PHF3: variants seen among roughly 807,000 people sequenced by gnomAD.
PHF3 encodes the protein PHD finger protein 3.
Under a neutral mutation model 178.4 loss-of-function variants are expected in PHF3, and 41 were observed. The observed-to-expected ratio is 0.23, with a 90% CI of 0.18 to 0.30. The LOEUF is 0.30. PHF3 is among the 10% of genes least tolerant of loss of function. The pLI is 1.00. For synonymous variants in PHF3, 842 were observed against 800.5 expected, an observed-to-expected ratio of 1.05 and a Z score of -0.88; for missense variants, 2,346 against 2,398.1, an observed-to-expected ratio of 0.98 and a Z score of 0.45.
intron 2 of PHF3, among the ~76,000 whole-genome samples, chr6:63,674,117 G>C (rs140748949): frequency 1.0e-3 from 152 of 151,992 alleles, no homozygotes; most frequent in Non-Finnish European, 1.7e-3. Flanking sequence ...CAAAAAGGCG[G>C]TGTATAAATC....
chr6:63,721,381 A>G lies in PHF3; in HGVS notation c.*7673A>G, dbSNP rs1768381985. On this transcript the variant is annotated 3_prime_UTR_variant, in exon 16 of 16. Coordinates refer to ENST00000262043, the MANE Select transcript of PHF3 (RefSeq NM_001370348.2). ...ACTGTACATTCACCTCCATTTCTGCATGTGTTGTACCCACAGGCTGTCCCA... is the reference window on the plus strand; with the variant it reads ...ACTGTACATTCACCTCCATTTCTGCGTGTGTTGTACCCACAGGCTGTCCCA... 6 of 1,550,586 alleles carry G rather than the reference A, an allele frequency of 3.9e-6. No individual in the cohort carries two copies. The highest frequency in any genetic ancestry group is 5.2e-6 in the Non-Finnish European group (6 of 1,146,586).
At chr6:63,709,526 T>G (rs1325691167) in intron 14 of PHF3, among the ~76,000 whole-genome samples, 26 of 152,144 alleles carry the variant, frequency 1.7e-4, no homozygotes, top group Admixed American at 1.6e-3. Flanking sequence ...GAATTTTGCC[T>G]TGCTTCTATT....
chr6:63,671,869 C>T (rs987776255), intron 2 of PHF3, among the ~76,000 whole-genome samples: 5 of 152,234 alleles, frequency 3.3e-5, no homozygotes, highest in African/African-American at 1.2e-4. Context: ...GCCTCAGCCT[C>T]CCAAGTAGCT....
At chr6:63,665,189 GA>G (rs1490978438) in intron 2 of PHF3, among the ~76,000 whole-genome samples, 4 of 151,938 alleles carry the variant, frequency 2.6e-5, no homozygotes, top group African/African-American at 9.7e-5. Flanking sequence ...TTTAAAGTAA[GA>G]AAAAGAGTTT....
rs370376350 is a variant in PHF3 at position 63,713,954 on chromosome 6, T to G, written c.*246T>G. 3.8e-5 allele frequency: 13 copies of G among 345,432 alleles called. No individual in the cohort carries two copies. Among genetic ancestry groups the G allele is most frequent in the African/African-American group, 6.3e-5 (3 of 47,416 alleles). The allele number at this position is 345,432 out of a possible 1,614,324, so 21.4% of individuals were successfully genotyped here. On this transcript the variant is annotated 3_prime_UTR_variant, in exon 16 of 16. Coordinates refer to ENST00000262043, the MANE Select transcript of PHF3 (RefSeq NM_001370348.2). The stretch of plus-strand genomic sequence containing the variant: ...TTTAAAAGTTTTACATTGCTGTATA[T>G]TCAAAGATTTGTTTTATTAATATGC...
chr6:63,653,612 A>G (rs1765112502), intron 2 of PHF3, among the ~76,000 whole-genome samples: 1 of 151,992 alleles, frequency 6.6e-6, no homozygotes, highest in South Asian at 2.1e-4. Flanking sequence ...TTCCTTTCCA[A>G]TTTGGATGTC....
rs968201729 is a variant in PHF3, at chr6:63,683,311, C to A, written c.407-818C>A. Among the ~76,000 whole-genome samples, 3 of 151,826 alleles carry A rather than the reference C, an allele frequency of 2.0e-5. No homozygotes were observed. The East Asian group carries it at 5.8e-4, about 29-fold the overall frequency. On this transcript the variant is annotated intron_variant, in intron 3 of 15. Coordinates refer to ENST00000262043, the MANE Select transcript of PHF3 (RefSeq NM_001370348.2). The stretch of plus-strand genomic sequence containing the variant: ...AGTTTGTGGGTTGTTTTTGTACTTA[C>A]TGAATTATTTAGCTCTCTTTCTTTT...
At chr6:63,683,443 G>C (rs1582069553) in intron 3 of PHF3, among the ~76,000 whole-genome samples, 1 of 152,188 alleles carries the variant, frequency 6.6e-6, no homozygotes, top group South Asian at 2.1e-4. Context: ...GGAGCATTGT[G>C]TGGGAAGCTT....
chr6:63,690,980 T>A (rs1766973573), intron 4 of PHF3, among the ~76,000 whole-genome samples: 1 of 152,180 alleles, frequency 6.6e-6, no homozygotes, highest in Non-Finnish European at 1.5e-5. Flanking sequence ...ATAAGGAGAT[T>A]GGGAATTAAA....
chr6:63,720,955 C>G lies in PHF3; in HGVS notation c.*7247C>G. On this transcript the variant is annotated 3_prime_UTR_variant, in exon 16 of 16. Coordinates refer to ENST00000262043, the MANE Select transcript of PHF3 (RefSeq NM_001370348.2). ...TAGCTCATAGGCACAGAGATTCTTT[C>G]TCCCAAGTTAACTGCTATTTTCAAG... 1 of 1,551,358 alleles carries G rather than the reference C, an allele frequency of 6.4e-7. No individual in the cohort carries two copies. Among genetic ancestry groups the G allele is most frequent in the Non-Finnish European group, 8.7e-7 (1 of 1,146,790 alleles).
At chr6:63,646,451 A>G (rs1431270894) in intron 1 of PHF3, 76 bp from the exon 2 acceptor site, 6 of 1,029,442 alleles carry the variant, frequency 5.8e-6, no homozygotes, top group Admixed American at 2.9e-5. Flanking sequence ...ACTCAAAACT[A>G]TTAAAATAAT....
In PHF3 at chr6:63,720,013, C is replaced by T. The variant is rs1768310390; in HGVS notation, c.*6305C>T. 6.6e-6 allele frequency: 1 copy of T among 152,128 alleles called. No homozygotes were observed. 9.4% of individuals were successfully genotyped at this position (152,128 alleles called of 1,614,324 possible). On this transcript the variant is annotated 3_prime_UTR_variant, in exon 16 of 16. Coordinates refer to ENST00000262043, the MANE Select transcript of PHF3 (RefSeq NM_001370348.2). Reference sequence around the variant, plus strand: ...AGGATTTAGCTCTTACCAGCCTGTTCTCCTCTCCTCTCACCTTCTCTTTCT... The same window carrying T: ...AGGATTTAGCTCTTACCAGCCTGTTTTCCTCTCCTCTCACCTTCTCTTTCT...
chr6:63,648,512 A>C (rs1764883542), intron 2 of PHF3, among the ~76,000 whole-genome samples: 1 of 152,166 alleles, frequency 6.6e-6, no homozygotes, highest in African/African-American at 2.4e-5. Context: ...CCCTATAGTA[A>C]TACCTGTATT....
chr6:63,670,978 T>C (rs182568152), intron 2 of PHF3, among the ~76,000 whole-genome samples: 1 of 152,320 alleles, frequency 6.6e-6, no homozygotes, highest in East Asian at 1.9e-4. Flanking sequence ...TTGTGTCTGT[T>C]TTTTTCATAT....
chr6:63,685,610 C>T lies in PHF3; in HGVS notation c.1888C>T (p.Pro630Ser), dbSNP rs1561965640. The T allele has an allele frequency of 6.2e-7, 1 of 1,614,080 alleles. No homozygotes were observed. Among genetic ancestry groups the T allele is most frequent in the Non-Finnish European group, 8.5e-7 (1 of 1,180,022 alleles). ...SHSSQKQCHK[P>S]QQQAPAMKTN... ...TTCTAGCCAGAAACAGTGTCATAAG[C>T]CTCAGCAACAGGCCCCAGCAATGAA... Residue 630 changes from proline (P) to serine (S), a missense_variant, in exon 4 of 16, where the codon CCT (proline) becomes TCT (serine). Around this residue, in one of 8 missense-constraint regions of PHF3, gnomAD observed 843 missense variants for 795.2 expected, o/e 1.06. Coordinates refer to ENST00000262043, the MANE Select transcript of PHF3 (RefSeq NM_001370348.2).
At chr6:63,700,188 G>T (rs184590049) in intron 8 of PHF3, among the ~76,000 whole-genome samples, 162 bp from the exon 9 acceptor site, 32 of 152,146 alleles carry the variant, frequency 2.1e-4, no homozygotes, top group African/African-American at 7.7e-4. Context: ...TAAATTCCTA[G>T]AACACAAAGC....
In PHF3 at chr6:63,684,396, G is replaced by A. The variant is rs751013325; in HGVS notation, c.674G>A (p.Cys225Tyr). Residue 225 changes from cysteine (C) to tyrosine (Y), a missense_variant, in exon 4 of 16, where the codon TGT becomes TAT. Cys to Tyr is a radical substitution (Grantham distance 194, BLOSUM62 -2). Around this residue, in one of 8 missense-constraint regions of PHF3, gnomAD observed 843 missense variants for 795.2 expected, o/e 1.06. Transcript: ENST00000262043. ...VSSSHSSVSS[C>Y]LEMKDEDGLD... ...TCAAGTCATTCTTCAGTGTCATCTT[G>A]TCTTGAAATGAAGGATGAAGATGGA... 19 of 1,614,034 alleles carry A rather than the reference G, an allele frequency of 1.2e-5. No individual in the cohort carries two copies. The highest frequency in any genetic ancestry group is 1.3e-5 in the Non-Finnish European group (15 of 1,179,894).
chr6:63,680,764 T>A (rs949647133), intron 3 of PHF3, among the ~76,000 whole-genome samples: 3 of 152,066 alleles, frequency 2.0e-5, no homozygotes, highest in Non-Finnish European at 4.4e-5. Flanking sequence ...ATTTGTGTAT[T>A]TCAGGTATTC....
chr6:63,641,567 TG>T, intron 1 of PHF3, among the ~76,000 whole-genome samples: 1 of 144,126 alleles, frequency 6.9e-6, no homozygotes, highest in African/African-American at 2.6e-5. Context: ...TGTGTGTGTG[TG>T]TTTTAGGAAA....
Sources: gnomAD v4.1 joint callset for allele counts (sites outside exome capture counted in the v4.1 genomes callset) on GRCh38, gnomAD v4.1.1 for gene constraint, gnomAD v4.1.1 regional missense constraint, MANE v1.5 for transcripts, NCBI Gene and HGNC (gene_info 2026-07-23, HGNC 2026-07-21) for gene names.